CDCA2: variants seen among roughly 807,000 people sequenced by gnomAD.
CDCA2 encodes cell division cycle associated 2, also known as cell division cycle-associated protein 2.
A neutral mutation model predicts 67.0 loss-of-function variants in CDCA2; 44 were observed. That is an observed-to-expected ratio of 0.66 (90% CI 0.52 to 0.84). The LOEUF (loss-of-function observed/expected upper bound fraction) is 0.84, where lower values mean the gene tolerates loss of function less well. Among genes scored for constraint, CDCA2 ranks in the 40% least tolerant of loss-of-function variants. The pLI, the probability that CDCA2 is intolerant of heterozygous loss-of-function variation, is 0.00. For missense variants in CDCA2, 1,253 were observed against 1,203.2 expected, an observed-to-expected ratio of 1.04 and a Z score of -0.61; for synonymous variants, 447 against 418.7, an observed-to-expected ratio of 1.07 and a Z score of -0.82.
At chr8:25,501,398 C>T (rs567763668) in intron 13 of CDCA2, among the ~76,000 whole-genome samples, 34 of 152,324 alleles carry the variant, frequency 2.2e-4, no homozygotes, top group African/African-American at 7.0e-4. Context: ...TAAGATCAAA[C>T]GTTGACACTC....
chr8:25,482,722 T>C (rs1803620062), intron 8 of CDCA2, among the ~76,000 whole-genome samples: 1 of 152,062 alleles, frequency 6.6e-6, no homozygotes, highest in South Asian at 2.1e-4. Context: ...ATACAAAAAT[T>C]AGCTGGGTGT....
chr8:25,485,454 T>A (rs1327134023), intron 10 of CDCA2, among the ~76,000 whole-genome samples: 2 of 152,096 alleles, frequency 1.3e-5, no homozygotes, highest in African/African-American at 4.8e-5. Flanking sequence ...TTTTAAATTT[T>A]CTTTATAGGA....
At position 25,479,904 on chromosome 8, in the gene CDCA2, A is replaced by G. The variant is rs1803500186; in HGVS notation, c.821-9A>G. The G allele has an allele frequency of 2.5e-6, 4 of 1,613,700 alleles. No individual in the cohort carries two copies. Among genetic ancestry groups the G allele is most frequent in the South Asian group, 2.2e-5 (2 of 91,076 alleles). On this transcript the variant is annotated splice_polypyrimidine_tract_variant and intron_variant, in intron 7 of 14. Transcript: ENST00000330560. ...TTCTGCCTCTCAAGTTTACATGTTT[A>G]TCTTGAAGCACTAAAGGTTGCTGAC...
intron 13 of CDCA2, among the ~76,000 whole-genome samples, chr8:25,499,491 A>G (rs1398258070): frequency 6.6e-6 from 1 of 151,496 alleles, no homozygotes; most frequent in Non-Finnish European, 1.5e-5. Context: ...TTTGGTAGAG[A>G]CGGGGTTTCG....
Position 25,460,439 on chromosome 8 carries a change from C to G in CDCA2, c.117C>G (p.Ala39=), listed in dbSNP as rs375921238. 1.5e-5 allele frequency: 24 copies of G among 1,614,072 alleles called. No homozygotes were observed. The highest frequency in any genetic ancestry group is 1.9e-5 in the Non-Finnish European group (22 of 1,180,030). ...TGKIVTPQKH[A]ELPPNPCTPD... is the part of the protein sequence containing the mutation. ...AGATTGTGACTCCTCAGAAGCATGC[C>G]GAATTACCTCCTAATCCTTGCACAC... Residue 39 remains alanine, a synonymous_variant, in exon 3 of 15, where the codon GCC becomes GCG. Coordinates refer to ENST00000330560, the MANE Select transcript of CDCA2 (RefSeq NM_152562.4).
intron 7 of CDCA2, among the ~76,000 whole-genome samples, chr8:25,472,681 G>A (rs944542713): frequency 1.1e-4 from 16 of 152,072 alleles, no homozygotes; most frequent in African/African-American, 3.6e-4. Flanking sequence ...TTTATAGTGT[G>A]TCATGTAATT....
chr8:25,480,994 T>G (rs1803546173), intron 8 of CDCA2, among the ~76,000 whole-genome samples: 2 of 152,148 alleles, frequency 1.3e-5, no homozygotes, highest in Admixed American at 1.3e-4. Context: ...ACCATAAGCA[T>G]TTTAACATAC....
chr8:25,506,795 G>A lies in CDCA2; in HGVS notation c.2129G>A (p.Ser710Asn), dbSNP rs1804697510. 2 of 1,614,030 alleles carry A rather than the reference G, an allele frequency of 1.2e-6. No homozygotes were observed. The highest frequency in any genetic ancestry group is 1.7e-6 in the Non-Finnish European group (2 of 1,180,002). Residue 710 changes from serine to asparagine, a missense_variant, in exon 15 of 15, where the codon AGT becomes AAT. By Grantham distance (46) the Ser-to-Asn change is conservative. Coordinates refer to ENST00000330560, the MANE Select transcript of CDCA2 (RefSeq NM_152562.4). ...AATGAACCAAAAGCTGGAACTGACAGTCCTGTTTCTTGTGCTTCTGTAACT... is the reference window on the plus strand; with the variant it reads ...AATGAACCAAAAGCTGGAACTGACAATCCTGTTTCTTGTGCTTCTGTAACT... ...SENEPKAGTD[S>N]PVSCASVTEE...
rs1201852789 is a variant in CDCA2 at position 25,507,162 on chromosome 8, T to G, written c.2496T>G (p.Arg832=). 4.3e-6 allele frequency: 7 copies of G among 1,614,036 alleles called. No homozygotes were observed. Among genetic ancestry groups the G allele is most frequent in the Admixed American group, 1.7e-5 (1 of 59,994 alleles). The change falls in exon 15 of 15, where the codon CGT becomes CGG. Residue 832 remains arginine, a synonymous_variant. Coordinates refer to ENST00000330560, the MANE Select transcript of CDCA2 (RefSeq NM_152562.4). ...VSCRDRKDRR[R]SMCYSDGRSL... is the part of the protein sequence containing the mutation. The stretch of plus-strand genomic sequence containing the variant: ...GCAGAGACAGGAAAGATAGAAGACG[T>G]TCCATGTGTTATTCTGATGGTCGAA...
intron 13 of CDCA2, among the ~76,000 whole-genome samples, 187 bp downstream of exon 13, chr8:25,488,876 T>C (rs1803890430): frequency 6.6e-6 from 1 of 152,118 alleles, no homozygotes; most frequent in African/African-American, 2.4e-5. Context: ...TAAGGAACAC[T>C]TTTGCGTCTT....
In CDCA2 at chr8:25,507,820, T is replaced by G; in HGVS notation, c.*82T>G. Reference sequence around the variant, plus strand: ...GATCTGTCTAGTTCCCATTCTCTGTTCAACCTCAGTGTTTCAAAAGTTCCT... The same window carrying G: ...GATCTGTCTAGTTCCCATTCTCTGTGCAACCTCAGTGTTTCAAAAGTTCCT... On this transcript the variant is annotated 3_prime_UTR_variant, in exon 15 of 15. Transcript: ENST00000330560. The G allele has an allele frequency of 7.1e-7, 1 of 1,410,762 alleles. No individual in the cohort carries two copies. Among genetic ancestry groups the G allele is most frequent in the Non-Finnish European group, 9.3e-7 (1 of 1,070,186 alleles). The allele number at this position is 1,410,762 out of a possible 1,614,324, so 87.4% of individuals were successfully genotyped here.
chr8:25,481,120 T>G (rs192454027), intron 8 of CDCA2, among the ~76,000 whole-genome samples: 3 of 152,100 alleles, frequency 2.0e-5, no homozygotes, highest in Admixed American at 2.0e-4. Flanking sequence ...AACAATTTTG[T>G]TCAAAGAGCT....
intron 7 of CDCA2, chr8:25,472,280 C>T (rs1416023553): frequency 1.3e-5 from 2 of 148,414 alleles, no homozygotes; most frequent in Non-Finnish European, 3.0e-5. Context: ...GAGACGGAGT[C>T]TTGCTGTGTC....
intron 7 of CDCA2, among the ~76,000 whole-genome samples, chr8:25,471,809 T>C (rs1351759740): frequency 1.3e-5 from 2 of 152,200 alleles, no homozygotes; most frequent in Admixed American, 1.3e-4. Flanking sequence ...AATGTTGAAA[T>C]CACACAGGCC....
rs148757311 is a variant in CDCA2 at position 25,487,517 on chromosome 8, G to A, written c.1533+183G>A. ...AATGCTTTGGGAGGCCGAGGCAGGC[G>A]GATCATGAGGTCAGGAGATTGAGAC... On this transcript the variant is annotated intron_variant, in intron 12 of 14. Coordinates refer to ENST00000330560, the MANE Select transcript of CDCA2 (RefSeq NM_152562.4). Among the ~76,000 whole-genome samples, 233 of 152,208 alleles carry A rather than the reference G, an allele frequency of 1.5e-3. 1 individual carries two copies. The highest frequency in any genetic ancestry group is 5.5e-3 in the African/African-American group (230 of 41,536).
chr8:25,479,212 A>C (rs1803471462), intron 7 of CDCA2, among the ~76,000 whole-genome samples: 2 of 151,786 alleles, frequency 1.3e-5, no homozygotes, highest in South Asian at 2.1e-4. Context: ...GAGGATCCTC[A>C]TGTTACCCTT....
chr8:25,463,060 T>G (rs1272770200), intron 4 of CDCA2, among the ~76,000 whole-genome samples: 1 of 152,144 alleles, frequency 6.6e-6, no homozygotes, highest in African/African-American at 2.4e-5. Context: ...TTTTTTCTAG[T>G]TAAGATCTAC....
chr8:25,503,423 G>T lies in CDCA2; in HGVS notation c.1722G>T (p.Gln574His). 6.2e-7 allele frequency: 1 copy of T among 1,614,126 alleles called. No homozygotes were observed. The highest frequency in any genetic ancestry group is 1.1e-5 in the South Asian group (1 of 91,088). ...KKKGKGKKSV[Q>H]KSLYGERDIA... ...AAGGAAAGGGAAAGAAAAGTGTTCA[G>T]AAATCTTTATATGGGGAAAGAGACA... Residue 574 changes from glutamine to histidine, a missense_variant, in exon 14 of 15, where the codon CAG becomes CAT. Coordinates refer to ENST00000330560, the MANE Select transcript of CDCA2 (RefSeq NM_152562.4).
chr8:25,506,860 A>T lies in CDCA2; in HGVS notation c.2194A>T (p.Thr732Ser), dbSNP rs1804700847. Residue 732 changes from threonine to serine, a missense_variant, in exon 15 of 15, where the codon ACC becomes TCC. Thr to Ser is a moderately conservative substitution (Grantham distance 58). Coordinates refer to ENST00000330560, the MANE Select transcript of CDCA2 (RefSeq NM_152562.4). ...ATCAGATAGTCCCAAACCTGCTCTG[A>T]CCCTGCAGCAGGGTCAAGAATTTTC... ...VASDSPKPALTLQQGQEFSAG... is the reference protein window; with the variant it reads ...VASDSPKPALSLQQGQEFSAG... 2 of 1,613,346 alleles carry T rather than the reference A, an allele frequency of 1.2e-6. No individual in the cohort carries two copies. The highest frequency in any genetic ancestry group is 8.5e-7 in the Non-Finnish European group (1 of 1,179,876).
Sources: gnomAD v4.1 joint callset for allele counts (sites outside exome capture counted in the v4.1 genomes callset) on GRCh38, gnomAD v4.1.1 for gene constraint, MANE v1.5 for transcripts, NCBI Gene and HGNC (gene_info 2026-07-23, HGNC 2026-07-21) for gene names.